ZBTB16: variants seen among roughly 807,000 people sequenced by gnomAD.
The protein encoded by ZBTB16 is zinc finger and BTB domain containing 16.
In ZBTB16, 8 loss-of-function variants were observed where a neutral mutation model predicts 56.8. The observed-to-expected ratio is 0.14, with a 90% CI of 0.08 to 0.25. The LOEUF (loss-of-function observed/expected upper bound fraction) is 0.25. ZBTB16 is among the 10% of genes least tolerant of loss of function. The pLI is 1.00. For synonymous variants in ZBTB16, 363 were observed against 368.5 expected, an observed-to-expected ratio of 0.98 and a Z score of 0.17; for missense variants, 625 against 903.0, an observed-to-expected ratio of 0.69 and a Z score of 3.95.
chr11:114,165,828 C>T lies in ZBTB16; in HGVS notation c.1366+9394C>T, dbSNP rs995822214. Among the ~76,000 whole-genome samples, 16 of 152,222 alleles carry T rather than the reference C, an allele frequency of 1.1e-4. No individual in the cohort carries two copies. The East Asian group carries it at 2.7e-3, about 26-fold the overall frequency. On this transcript the variant is annotated intron_variant, in intron 3 of 6. Transcript: ENST00000335953. ...CTGAGGATAGGAGGGTGTCATCTGC[C>T]CAGCTCTGGGGACCTTCAGAACCTG...
intron 2 of ZBTB16, among the ~76,000 whole-genome samples, chr11:114,155,251 G>C (rs1284678127): frequency 1.3e-5 from 2 of 152,382 alleles, no homozygotes; most frequent in East Asian, 3.9e-4. Context: ...GGACGTTGCA[G>C]GGATGGCGCA....
intron 4 of ZBTB16, among the ~76,000 whole-genome samples, chr11:114,232,100 C>T (rs947989983): frequency 7.2e-5 from 11 of 152,146 alleles, no homozygotes; most frequent in Admixed American, 5.2e-4. Flanking sequence ...CTTTCATGCT[C>T]CGTCCCGATG....
At chr11:114,095,890 G>T (rs74454950) in intron 2 of ZBTB16, among the ~76,000 whole-genome samples, 1 of 151,966 alleles carries the variant, frequency 6.6e-6, no homozygotes, top group Non-Finnish European at 1.5e-5. Flanking sequence ...ACTTTTCAGG[G>T]TCCCCTAGCT....
At chr11:114,214,094 T>G (rs1439037820) in intron 4 of ZBTB16, among the ~76,000 whole-genome samples, 1 of 152,174 alleles carries the variant, frequency 6.6e-6, no homozygotes, top group Non-Finnish European at 1.5e-5. Flanking sequence ...GATGCCAGCC[T>G]GGGTGGTGCG....
chr11:114,230,797 T>C (rs1944429767), intron 4 of ZBTB16, among the ~76,000 whole-genome samples: 1 of 152,160 alleles, frequency 6.6e-6, no homozygotes, highest in East Asian at 1.9e-4. Context: ...GTATTTCGTT[T>C]TATTTTGAAT....
chr11:114,140,914 C>T (rs1332268930), intron 2 of ZBTB16, among the ~76,000 whole-genome samples: 2 of 152,216 alleles, frequency 1.3e-5, no homozygotes, highest in Non-Finnish European at 2.9e-5. Context: ...CTGTCTCCTT[C>T]CATGGTCCCT....
chr11:114,175,147 A>C (rs1490362017), intron 3 of ZBTB16, among the ~76,000 whole-genome samples: 1 of 152,186 alleles, frequency 6.6e-6, no homozygotes, highest in Admixed American at 6.5e-5. Context: ...CAGAAATGGG[A>C]CTGTAAGGTT....
intron 4 of ZBTB16, among the ~76,000 whole-genome samples, chr11:114,220,981 G>A (rs1263083342): frequency 6.6e-6 from 1 of 152,232 alleles, no homozygotes; most frequent in Non-Finnish European, 1.5e-5. Context: ...AAGACATGCA[G>A]GCATGTGCAG....
intron 3 of ZBTB16, among the ~76,000 whole-genome samples, chr11:114,161,778 C>T (rs1388974505): frequency 2.0e-5 from 3 of 152,068 alleles, no homozygotes; most frequent in Non-Finnish European, 4.4e-5. Context: ...AAGAGGGTGA[C>T]ATATTTTTGT....
In ZBTB16 at chr11:114,064,384, C is replaced by A. The variant is rs1355032612; in HGVS notation, c.1084C>A (p.Leu362Met). 1.9e-6 allele frequency: 3 copies of A among 1,614,002 alleles called. No homozygotes were observed. The African/African-American group carries it at 4.0e-5, about 22-fold the overall frequency. ...VTSGLHVQPA[L>M]AVSMDFSTYG... ...CTCTGGCCTCCACGTGCAGCCTGCCCTGGCTGTCTCCATGGACTTCAGCAC... is the reference window on the plus strand; with the variant it reads ...CTCTGGCCTCCACGTGCAGCCTGCCATGGCTGTCTCCATGGACTTCAGCAC... Residue 362 changes from leucine (L) to methionine (M), a missense_variant, in exon 2 of 7, where the codon CTG (leucine) becomes ATG (methionine). Physicochemically the swap from Leu to Met is conservative, Grantham distance 15. Around this residue, in one of 6 missense-constraint regions of ZBTB16, gnomAD observed 384 missense variants for 393.5 expected, o/e 0.98. Coordinates refer to ENST00000335953, the MANE Select transcript of ZBTB16 (RefSeq NM_006006.6). This position sits in a 1 kb window ranked among gnomAD's most constrained non-coding sequence, Gnocchi z 4.2.
chr11:114,122,283 G>T (rs1431091450), intron 2 of ZBTB16, among the ~76,000 whole-genome samples: 1 of 152,186 alleles, frequency 6.6e-6, no homozygotes, highest in Non-Finnish European at 1.5e-5. Flanking sequence ...GCTGTGTTTG[G>T]TTTGTGGCGT....
rs535297498 is a variant in ZBTB16 at position 114,116,911 on chromosome 11, G to A, written c.1269-39426G>A. The stretch of plus-strand genomic sequence containing the variant: ...AGAATCTAATAAGCTGGTAGGGGAG[G>A]CAGACACTGAGACATAGCAGCACTT... On this transcript the variant is annotated intron_variant, in intron 2 of 6. Coordinates refer to ENST00000335953, the MANE Select transcript of ZBTB16 (RefSeq NM_006006.6). Among the ~76,000 whole-genome samples, 6 of 152,290 alleles carry A rather than the reference G, an allele frequency of 3.9e-5. No homozygotes were observed. In the South Asian group the frequency reaches 1.2e-3, roughly 32 times the overall value.
rs34263122 is a variant in ZBTB16, at chr11:114,214,985, CTT to C, written c.1454-27169_1454-27168del. On this transcript the variant is annotated intron_variant, in intron 4 of 6. Coordinates refer to ENST00000335953, the MANE Select transcript of ZBTB16 (RefSeq NM_006006.6). ...TTGGAAGCCAGAGAGAGGAGCTTAT[CTT>C]TTTTTTTTTTTTCCTGCTTATAGGT... Among the ~76,000 whole-genome samples the C allele has an allele frequency of 4.9e-3, 701 of 143,878 alleles. 4 individuals carry two copies. Among genetic ancestry groups the C allele is most frequent in the African/African-American group, 0.016 (632 of 39,684 alleles). The allele number at this position is 143,878 out of a possible 152,430, so 94.4% of individuals were successfully genotyped here.
At position 114,099,634 on chromosome 11, in the gene ZBTB16, C is replaced by T. The variant is rs542561092; in HGVS notation, c.1268+35066C>T. 6.6e-5 allele frequency among the ~76,000 whole-genome samples: 10 copies of T among 152,110 alleles called. No homozygotes were observed. The South Asian group carries it at 2.1e-3, about 32-fold the overall frequency. ...GCTGTGTGGTGTCAGCTCAAGTGAG[C>T]GAAGCAGTGTGTGGTGTGTGTGCAT... is the stretch of plus-strand genomic sequence containing the variant. On this transcript the variant is annotated intron_variant, in intron 2 of 6. Transcript: ENST00000335953.
rs146206462 is a variant in ZBTB16, at chr11:114,146,612, C to T, written c.1269-9725C>T. Among the ~76,000 whole-genome samples, 1,015 of 151,906 alleles carry T rather than the reference C, an allele frequency of 6.7e-3. 9 individuals carry two copies. Among genetic ancestry groups the T allele is most frequent in the African/African-American group, 0.022 (930 of 41,412 alleles). Reference sequence around the variant, plus strand: ...TTGTAATTCCAGCACTTTGGGAGGCCGAGGCGGGTGGATCGCTTGAGGTCA... The same window carrying T: ...TTGTAATTCCAGCACTTTGGGAGGCTGAGGCGGGTGGATCGCTTGAGGTCA... On this transcript the variant is annotated intron_variant, in intron 2 of 6. Coordinates refer to ENST00000335953, the MANE Select transcript of ZBTB16 (RefSeq NM_006006.6).
intron 3 of ZBTB16, among the ~76,000 whole-genome samples, chr11:114,175,262 C>T (rs529800459): frequency 6.6e-6 from 1 of 152,328 alleles, no homozygotes; most frequent in Admixed American, 6.5e-5. Context: ...TTCCAAGGAA[C>T]CTACAAAGGC....
chr11:114,236,669 C>G (rs1235024997), intron 4 of ZBTB16, among the ~76,000 whole-genome samples: 2 of 152,202 alleles, frequency 1.3e-5, no homozygotes, highest in African/African-American at 4.8e-5. Flanking sequence ...TCTGTCTGTA[C>G]CATGACTCTC....
At chr11:114,138,834 G>A (rs1407946028) in intron 2 of ZBTB16, among the ~76,000 whole-genome samples, 1 of 151,998 alleles carries the variant, frequency 6.6e-6, no homozygotes, top group Non-Finnish European at 1.5e-5. Flanking sequence ...GGGATTACAG[G>A]CATGCACCAC....
rs977257575 is a variant in ZBTB16 at position 114,255,265 on chromosome 11, G to A, written c.*4710G>A. 5.9e-5 allele frequency among the ~76,000 whole-genome samples: 9 copies of A among 152,086 alleles called. No homozygotes were observed. Among genetic ancestry groups the A allele is most frequent in the African/African-American group, 1.9e-4 (8 of 41,414 alleles). On this transcript the variant is annotated 3_prime_UTR_variant, in exon 7 of 7. Coordinates refer to ENST00000335953, the MANE Select transcript of ZBTB16 (RefSeq NM_006006.6). ...TGTCGTGATAGCACAAGTGCCAGTC[G>A]GATTGCTCTGTATTACAGAATAGTG...
Sources: gnomAD v4.1 joint callset for allele counts (sites outside exome capture counted in the v4.1 genomes callset) on GRCh38, gnomAD v4.1.1 for gene constraint, gnomAD v4.1.1 regional missense constraint, Gnocchi (gnomAD v3.1) non-coding constraint, MANE v1.5 for transcripts, NCBI Gene and HGNC (gene_info 2026-07-23, HGNC 2026-07-21) for gene names.